The following PXDNL variants were observed in gnomAD, a reference collection of about 807,000 sequenced individuals.
PXDNL encodes the protein probable oxidoreductase PXDNL.
Under a neutral mutation model 150.8 loss-of-function variants are expected in PXDNL, and 145 were observed. The observed-to-expected ratio is 0.96, with a 90% CI of 0.84 to 1.10. The LOEUF (loss-of-function observed/expected upper bound fraction) is 1.10. Among genes scored for constraint, PXDNL ranks in the 50% least tolerant of loss-of-function variants. The pLI, the probability that PXDNL is intolerant of heterozygous loss-of-function variation, is 0.00. For missense variants in PXDNL, 2,087 were observed against 1,873.9 expected (o/e 1.11, Z -2.10); for synonymous variants, 757 against 725.7 (o/e 1.04, Z -0.69).
At chr8:51,737,884 C>T (rs1249769337) in intron 1 of PXDNL, among the ~76,000 whole-genome samples, 1 of 152,124 alleles carries the variant, frequency 6.6e-6, no homozygotes, top group Non-Finnish European at 1.5e-5. Flanking sequence ...CTGTCCCTGT[C>T]GATTTGTGAA....
At chr8:51,739,583 A>G (rs969326055) in intron 1 of PXDNL, among the ~76,000 whole-genome samples, 3 of 152,198 alleles carry the variant, frequency 2.0e-5, no homozygotes, top group African/African-American at 7.2e-5. Flanking sequence ...AGGATATAAG[A>G]TAAATACACA....
chr8:51,320,046 A>G, intron 22 of PXDNL, 24 bp from the exon 23 acceptor site: 1 of 1,398,056 alleles, frequency 7.2e-7, no homozygotes, highest in Non-Finnish European at 9.4e-7. Context: ...TGCACATATC[A>G]CCTCCATGTT....
At chr8:51,651,431 A>G (rs991758061) in intron 2 of PXDNL, among the ~76,000 whole-genome samples, 43 of 152,328 alleles carry the variant, frequency 2.8e-4, no homozygotes, top group Admixed American at 2.0e-4. Context: ...ATGTTAGTAA[A>G]CTTAAGGTTT....
chr8:51,558,955 T>A (rs1238071095), intron 3 of PXDNL, among the ~76,000 whole-genome samples: 2 of 151,900 alleles, frequency 1.3e-5, no homozygotes, highest in Non-Finnish European at 2.9e-5. Context: ...TTCCCCCCAA[T>A]GAGTTCTGGG....
intron 1 of PXDNL, among the ~76,000 whole-genome samples, chr8:51,726,860 T>C (rs16916762): frequency 6.6e-6 from 1 of 152,222 alleles, no homozygotes; most frequent in African/African-American, 2.4e-5. Context: ...ATAATCTACC[T>C]GAATAAAGTT....
intron 17 of PXDNL, among the ~76,000 whole-genome samples, chr8:51,386,118 A>G (rs1001464379): frequency 9.9e-5 from 15 of 151,066 alleles, no homozygotes; most frequent in African/African-American, 3.4e-4. Context: ...TTGACATAAG[A>G]CTCTTGCTCT....
At chr8:51,373,221 AAC>A (rs761500855) in intron 18 of PXDNL, among the ~76,000 whole-genome samples, 15 of 152,208 alleles carry the variant, frequency 9.9e-5, no homozygotes, top group Non-Finnish European at 1.5e-4. Flanking sequence ...GGACATAGAT[AAC>A]AGAGGGAAGA....
chr8:51,638,818 C>T (rs1373009922), intron 2 of PXDNL, among the ~76,000 whole-genome samples: 6 of 152,062 alleles, frequency 3.9e-5, no homozygotes, highest in Non-Finnish European at 1.5e-5. Flanking sequence ...AAAGGATATC[C>T]AGGAATTGAA....
intron 5 of PXDNL, among the ~76,000 whole-genome samples, chr8:51,491,873 A>T (rs1162062560): frequency 6.6e-6 from 1 of 152,220 alleles, no homozygotes; most frequent in African/African-American, 2.4e-5. Flanking sequence ...ATCTTGAACA[A>T]TCCATCTGTC....
intron 9 of PXDNL, among the ~76,000 whole-genome samples, chr8:51,455,903 T>C (rs753044909): frequency 3.3e-4 from 50 of 152,186 alleles, no homozygotes; most frequent in Non-Finnish European, 1.0e-4. Context: ...ACAAACATTT[T>C]TTTAAATAAA....
intron 6 of PXDNL, among the ~76,000 whole-genome samples, chr8:51,479,910 C>T (rs1485347798): frequency 6.6e-6 from 1 of 152,062 alleles, no homozygotes; most frequent in Non-Finnish European, 1.5e-5. Context: ...ATATCCAAGA[C>T]TTTTGAGGGC....
chr8:51,512,772 C>T (rs1366702810), intron 4 of PXDNL, among the ~76,000 whole-genome samples: 1 of 152,222 alleles, frequency 6.6e-6, no homozygotes, highest in Non-Finnish European at 1.5e-5. Context: ...GCTGCAGTCA[C>T]AATCACGTGA....
chr8:51,537,705 T>C (rs982813113), intron 4 of PXDNL, among the ~76,000 whole-genome samples: 2 of 152,198 alleles, frequency 1.3e-5, no homozygotes, highest in African/African-American at 4.8e-5. Flanking sequence ...AACATGTGCT[T>C]CCTATTGAAG....
chr8:51,776,366 G>C (rs1411565390), intron 1 of PXDNL, among the ~76,000 whole-genome samples: 1 of 152,038 alleles, frequency 6.6e-6, no homozygotes, highest in Admixed American at 6.6e-5. Context: ...TTGCGGGTTG[G>C]GGGGCATCAC....
intron 1 of PXDNL, among the ~76,000 whole-genome samples, chr8:51,711,191 A>T (rs1166515497): frequency 6.6e-6 from 1 of 152,082 alleles, no homozygotes. Flanking sequence ...CCCAGGCGGG[A>T]GTGCAATGGT....
intron 5 of PXDNL, among the ~76,000 whole-genome samples, chr8:51,491,750 T>G (rs1370972072): frequency 6.6e-6 from 1 of 152,192 alleles, no homozygotes; most frequent in Non-Finnish European, 1.5e-5. Flanking sequence ...CAAGGCTTGG[T>G]GGTTTATTGC....
At position 51,509,233 on chromosome 8, in the gene PXDNL, C is replaced by T. The variant is rs564845935; in HGVS notation, c.381-9463G>A. Among the ~76,000 whole-genome samples, 88 of 152,174 alleles carry T rather than the reference C, an allele frequency of 5.8e-4. 1 individual carries two copies. The highest frequency in any genetic ancestry group is 1.8e-3 in the African/African-American group (76 of 41,518). ...GTATACATGTATCTAAGCATCATGTCGTACATTATAAATATATACAACATT... is the reference window on the plus strand; with the variant it reads ...GTATACATGTATCTAAGCATCATGTTGTACATTATAAATATATACAACATT... On this transcript the variant is annotated intron_variant, in intron 4 of 22. Transcript: ENST00000356297.
intron 1 of PXDNL, among the ~76,000 whole-genome samples, chr8:51,699,888 A>G (rs1223750991): frequency 6.6e-6 from 1 of 152,208 alleles, no homozygotes; most frequent in African/African-American, 2.4e-5. Flanking sequence ...ACCATCCTAT[A>G]TGGACATGGT....
At chr8:51,746,574 A>T (rs1201983823) in intron 1 of PXDNL, among the ~76,000 whole-genome samples, 1 of 152,158 alleles carries the variant, frequency 6.6e-6, no homozygotes, top group Non-Finnish European at 1.5e-5. Flanking sequence ...GGGGCAACAG[A>T]TAAGTCCCCC....
Sources: allele counts gnomAD v4.1 joint callset (sites outside exome capture counted in the v4.1 genomes callset), GRCh38; gene constraint gnomAD v4.1.1; transcripts MANE v1.5; gene names NCBI Gene and HGNC (gene_info 2026-07-23, HGNC 2026-07-21).